ZNF609: variants seen among roughly 807,000 people sequenced by gnomAD.
ZNF609 encodes the protein zinc finger protein 609.
Under a neutral mutation model 109.5 loss-of-function variants are expected in ZNF609, and 11 were observed. That is an observed-to-expected ratio of 0.10 (90% CI 0.06 to 0.17). The LOEUF (loss-of-function observed/expected upper bound fraction) is 0.17, where lower values mean the gene tolerates loss of function less well. ZNF609 is among the 10% of genes least tolerant of loss of function. The pLI is 1.00. For missense variants in ZNF609, 1,559 were observed against 1,772.4 expected (o/e 0.88, Z 2.16); for synonymous variants, 646 against 662.0 (o/e 0.98, Z 0.37).
chr15:64,674,196 A>G lies in ZNF609; in HGVS notation c.1342A>G (p.Met448Val), dbSNP rs772149162. The change falls in exon 5 of 10, where the codon ATG (methionine) becomes GTG (valine). Residue 448 changes from methionine to valine, a missense_variant. By Grantham distance (21) the Met-to-Val change is conservative (BLOSUM62 1). This residue lies in a region of ZNF609 where 1,204 missense variants were observed against 1,314.1 expected (regional missense o/e 0.92). Transcript: ENST00000326648. The stretch of plus-strand genomic sequence containing the variant: ...GCGGAAAAACAAACCCCTTTCAGAC[A>G]TGGAGCTGAATTCTAGCTCAGAGGA... ...NKRKNKPLSD[M>V]ELNSSSEDSK... is the part of the protein sequence containing the mutation. 1.2e-5 allele frequency: 19 copies of G among 1,614,052 alleles called. No individual in the cohort carries two copies. The highest frequency in any genetic ancestry group is 2.2e-5 in the South Asian group (2 of 91,086).
chr15:64,573,358 T>TTTTC (rs1894894386), intron 2 of ZNF609, among the ~76,000 whole-genome samples: 1 of 110,700 alleles, frequency 9.0e-6, no homozygotes, highest in Admixed American at 9.6e-5. Context: ...TTTTTTTTTT[T>TTTTC]TTTTTTTTTT....
intron 2 of ZNF609, among the ~76,000 whole-genome samples, chr15:64,608,938 T>C (rs1352229967): frequency 6.6e-6 from 1 of 152,020 alleles, no homozygotes; most frequent in African/African-American, 2.4e-5. Flanking sequence ...GGTCTTCCTA[T>C]GTTGCCCCTG....
intron 3 of ZNF609, among the ~76,000 whole-genome samples, chr15:64,665,422 G>A (rs1288203925): frequency 6.6e-6 from 1 of 152,036 alleles, no homozygotes; most frequent in Non-Finnish European, 1.5e-5. Context: ...TATATGACAG[G>A]ATTTTTGGCA....
chr15:64,487,899 G>A (rs1266802172), intron 1 of ZNF609, among the ~76,000 whole-genome samples: 1 of 152,178 alleles, frequency 6.6e-6, no homozygotes, highest in East Asian at 1.9e-4. Flanking sequence ...CTCCCAAAGT[G>A]CTGGGATTAC....
Position 64,674,917 on chromosome 15 carries a change from C to T in ZNF609, c.2063C>T (p.Thr688Ile). 1 of 1,614,088 alleles carries T rather than the reference C, an allele frequency of 6.2e-7. No homozygotes were observed. The highest frequency in any genetic ancestry group is 8.5e-7 in the Non-Finnish European group (1 of 1,180,034). The change falls in exon 5 of 10, where the codon ACC (threonine) becomes ATC (isoleucine). Residue 688 changes from threonine (T) to isoleucine (I), a missense_variant. Thr to Ile is a moderately conservative substitution (Grantham distance 89). This residue lies in a region of ZNF609 where 1,204 missense variants were observed against 1,314.1 expected (regional missense o/e 0.92). Coordinates refer to ENST00000326648, the MANE Select transcript of ZNF609 (RefSeq NM_015042.2). ...AGCCCAGGCTCTTCCTCAGGCTTGACCGCCACAGTGGCACAAGCCATGCCC... is the reference window on the plus strand; with the variant it reads ...AGCCCAGGCTCTTCCTCAGGCTTGATCGCCACAGTGGCACAAGCCATGCCC... ...AASPGSSSGL[T>I]ATVAQAMPNS...
intron 2 of ZNF609, among the ~76,000 whole-genome samples, chr15:64,532,062 C>T (rs1894071308): frequency 1.3e-5 from 2 of 152,170 alleles, no homozygotes; most frequent in Non-Finnish European, 2.9e-5. Context: ...CATGCCCCTC[C>T]AGCCCTACTG....
chr15:64,554,076 G>T (rs557360097), intron 2 of ZNF609, among the ~76,000 whole-genome samples: 72 of 151,914 alleles, frequency 4.7e-4, no homozygotes, highest in African/African-American at 1.5e-3. Flanking sequence ...TATTTTTCTT[G>T]CCTTTATTGA....
At chr15:64,554,163 G>A (rs1894535773) in intron 2 of ZNF609, among the ~76,000 whole-genome samples, 1 of 152,016 alleles carries the variant, frequency 6.6e-6, no homozygotes, top group African/African-American at 2.4e-5. Flanking sequence ...TGATTTTAAG[G>A]GGAAAGCATT....
chr15:64,652,801 T>C (rs991012236), intron 3 of ZNF609: 3 of 152,452 alleles, frequency 2.0e-5, no homozygotes, highest in Non-Finnish European at 4.4e-5. Flanking sequence ...CCTAAGTAGT[T>C]GGGACTACAA....
chr15:64,468,198 C>G (rs1446601098), intron 1 of ZNF609, among the ~76,000 whole-genome samples: 4 of 150,304 alleles, frequency 2.7e-5, no homozygotes, highest in South Asian at 2.1e-4. Flanking sequence ...TTTTTCCTCC[C>G]TCCCTCCCCT....
At chr15:64,477,126 T>G (rs1192275066) in intron 1 of ZNF609, among the ~76,000 whole-genome samples, 1 of 150,360 alleles carries the variant, frequency 6.7e-6, no homozygotes, top group East Asian at 1.9e-4. Flanking sequence ...CCTTGCTTAC[T>G]CTTCTCTTTC....
intron 3 of ZNF609, among the ~76,000 whole-genome samples, chr15:64,636,285 T>C (rs1369495533): frequency 6.6e-6 from 1 of 152,182 alleles, no homozygotes; most frequent in Non-Finnish European, 1.5e-5. Context: ...AGATCCTTTA[T>C]TTCCTTTAGT....
intron 2 of ZNF609, among the ~76,000 whole-genome samples, chr15:64,603,997 CAAAAA>C (rs34675102): frequency 4.6e-5 from 3 of 65,204 alleles, no homozygotes; most frequent in Admixed American, 3.9e-4. Context: ...GACTCCGTCT[CAAAAA>C]AAAAAAAAAA....
At chr15:64,636,870 G>C (rs1443381929) in intron 3 of ZNF609, among the ~76,000 whole-genome samples, 1 of 152,168 alleles carries the variant, frequency 6.6e-6, no homozygotes, top group Admixed American at 6.5e-5. Flanking sequence ...GTCTACAGGA[G>C]TCACAAACCC....
chr15:64,476,864 TTC>T (rs1893177858), intron 1 of ZNF609, among the ~76,000 whole-genome samples: 1 of 152,176 alleles, frequency 6.6e-6, no homozygotes, highest in African/African-American at 2.4e-5. Context: ...TATCATAACC[TTC>T]TCTCTTCTTA....
intron 1 of ZNF609, among the ~76,000 whole-genome samples, chr15:64,465,435 G>T (rs1893001396): frequency 6.6e-6 from 1 of 152,164 alleles, no homozygotes; most frequent in Non-Finnish European, 1.5e-5. Context: ...AGGCTGGAGT[G>T]TAATGGTGCG....
At position 64,569,705 on chromosome 15, in the gene ZNF609, TCTC is replaced by T. The variant is rs1401488300; in HGVS notation, c.748-53119_748-53117del. ...AGTTTTATCATCTTGTCTTAGCACT[TCTC>T]CTTCTGAACAGAAATTTGTTGTTCA... On this transcript the variant is annotated intron_variant, in intron 2 of 9. Transcript: ENST00000326648. 2.0e-5 allele frequency among the ~76,000 whole-genome samples: 3 copies of T among 152,256 alleles called. No homozygotes were observed. In the East Asian group the frequency reaches 5.8e-4, roughly 29 times the overall value.
chr15:64,612,060 T>G (rs1466788097), intron 2 of ZNF609, among the ~76,000 whole-genome samples: 3 of 150,892 alleles, frequency 2.0e-5, no homozygotes, highest in Non-Finnish European at 4.4e-5. Flanking sequence ...TAGTGCACAA[T>G]AGAACAGCCT....
At chr15:64,677,573 C>G (rs540464277) in intron 5 of ZNF609, among the ~76,000 whole-genome samples, 5 of 152,124 alleles carry the variant, frequency 3.3e-5, no homozygotes, top group Non-Finnish European at 7.3e-5. Context: ...CCAAAGTATA[C>G]TCAGTTACTG....
Sources: allele counts gnomAD v4.1 joint callset (sites outside exome capture counted in the v4.1 genomes callset), GRCh38; gene constraint gnomAD v4.1.1; regional missense constraint gnomAD v4.1.1; transcripts MANE v1.5; gene names NCBI Gene and HGNC (gene_info 2026-07-23, HGNC 2026-07-21).